The following LYG1 variants were observed in gnomAD, a reference collection of about 807,000 sequenced individuals.
LYG1 encodes the protein lysozyme g1, also known as lysozyme g-like protein 1.
LYG1 carries 17 observed loss-of-function variants against 21.7 expected under a neutral mutation model. The ratio of observed to expected loss-of-function variants is 0.78; its 90% CI spans 0.54 to 1.18. LYG1 has a LOEUF of 1.18. LYG1 is among the 50% of genes most tolerant of loss of function. The pLI, the probability that LYG1 is intolerant of heterozygous loss-of-function variation, is 0.00. For synonymous variants in LYG1, 81 were observed against 87.4 expected, an observed-to-expected ratio of 0.93 and a Z score of 0.41; for missense variants, 211 against 238.1, an observed-to-expected ratio of 0.89 and a Z score of 0.75.
intron 5 of LYG1, among the ~76,000 whole-genome samples, chr2:99,288,607 C>T (rs1434434532): frequency 3.9e-5 from 6 of 152,252 alleles, no homozygotes; most frequent in African/African-American, 1.4e-4. Context: ...CCCACTCTCT[C>T]GCCCAGACTG....
At chr2:99,300,001 C>A (rs551767099) in intron 1 of LYG1, among the ~76,000 whole-genome samples, 1 of 151,846 alleles carries the variant, frequency 6.6e-6, no homozygotes, top group Admixed American at 6.6e-5. Flanking sequence ...TTGCTATGCA[C>A]CAACAGGCCT....
In LYG1 at chr2:99,293,282, G is replaced by A. The variant is rs144871245; in HGVS notation, c.44-642C>T. On this transcript the variant is annotated intron_variant, in intron 3 of 6. Coordinates refer to ENST00000308528, the MANE Select transcript of LYG1 (RefSeq NM_174898.3). ...GCTGGGATCACAGGCGTGAGCCACC[G>A]CGCCCAGCCTCTTCTTTCATCTTAT... 3.0e-3 allele frequency among the ~76,000 whole-genome samples: 456 copies of A among 152,258 alleles called. 3 individuals are homozygous for A. Among genetic ancestry groups the A allele is most frequent in the African/African-American group, 0.01 (420 of 41,548 alleles).
intron 5 of LYG1, among the ~76,000 whole-genome samples, chr2:99,287,677 C>T (rs192304618): frequency 1.2e-3 from 185 of 151,800 alleles, no homozygotes; most frequent in Admixed American, 2.0e-3. Context: ...TGATTTGTTT[C>T]TTTAACCTAA....
intron 2 of LYG1, among the ~76,000 whole-genome samples, chr2:99,297,041 G>A (rs2094138834): frequency 3.9e-5 from 6 of 152,242 alleles, no homozygotes; most frequent in Admixed American, 3.3e-4. Context: ...GAAGTTATTC[G>A]ATTTCTGTCT....
intron 1 of LYG1, 67 bp from the exon 2 acceptor site, chr2:99,298,616 T>C (rs185043425): frequency 6.6e-6 from 1 of 152,362 alleles, no homozygotes; most frequent in Admixed American, 6.5e-5. Context: ...TTTCCATGAA[T>C]GCTCTCAATC....
At chr2:99,291,607 A>G (rs1342948379) in intron 4 of LYG1, among the ~76,000 whole-genome samples, 186 bp from the exon 5 acceptor site, 3 of 152,056 alleles carry the variant, frequency 2.0e-5, no homozygotes, top group African/African-American at 7.2e-5. Flanking sequence ...TCCTCCTGTG[A>G]GCTTGAGTCA....
intron 4 of LYG1, among the ~76,000 whole-genome samples, 173 bp from the exon 5 acceptor site, chr2:99,291,594 C>A (rs1057174491): frequency 6.6e-6 from 1 of 152,140 alleles, no homozygotes; most frequent in Non-Finnish European, 1.5e-5. Context: ...GAGGTTAGGG[C>A]TCTCCTCCTG....
Position 99,301,145 on chromosome 2 carries a change from T to G in LYG1, c.-219A>C, listed in dbSNP as rs1322472527. 4 of 151,372 alleles carry G rather than the reference T, an allele frequency of 2.6e-5. No homozygotes were observed. The highest frequency in any genetic ancestry group is 9.7e-5 in the African/African-American group (4 of 41,134). 9.4% of individuals were successfully genotyped at this position (151,372 alleles called of 1,614,324 possible). On this transcript the variant is annotated 5_prime_UTR_variant, in exon 1 of 7. Transcript: ENST00000308528. ...GTTAAAAGTGTTCATCTCATCCTATTTTGGAGAGATTTATGACATCTCATA... is the reference window on the plus strand; with the variant it reads ...GTTAAAAGTGTTCATCTCATCCTATGTTGGAGAGATTTATGACATCTCATA...
chr2:99,293,489 T>C (rs1031201922), intron 3 of LYG1, among the ~76,000 whole-genome samples: 5 of 152,180 alleles, frequency 3.3e-5, no homozygotes, highest in African/African-American at 1.2e-4. Flanking sequence ...TCAGGTACAC[T>C]TCTAGATAAG....
At chr2:99,302,026 G>A (rs1207565939), upstream of LYG1, among the ~76,000 whole-genome samples, 1 of 152,178 alleles carries the variant, frequency 6.6e-6, no homozygotes, top group Non-Finnish European at 1.5e-5. Context: ...CTGTGCCCCA[G>A]CTCAGCTGAA....
intron 1 of LYG1, among the ~76,000 whole-genome samples, chr2:99,299,290 T>C (rs1340897621): frequency 5.3e-5 from 8 of 150,278 alleles, no homozygotes; most frequent in Non-Finnish European, 8.9e-5. Context: ...TTTTCTTTTT[T>C]TTTTTTTTTT....
chr2:99,295,750 T>C, intron 2 of LYG1, 48 bp from the exon 3 acceptor site: 1 of 1,539,840 alleles, frequency 6.5e-7, no homozygotes, highest in Non-Finnish European at 9.0e-7. Flanking sequence ...TCAGTCATCA[T>C]CATAACCACA....
At chr2:99,297,558 A>G (rs2094140585) in intron 2 of LYG1, among the ~76,000 whole-genome samples, 1 of 152,212 alleles carries the variant, frequency 6.6e-6, no homozygotes, top group Admixed American at 6.5e-5. Flanking sequence ...TTGGAACTAA[A>G]TATCTGTGTT....
At chr2:99,296,043 T>C (rs1462445060) in intron 2 of LYG1, among the ~76,000 whole-genome samples, 1 of 151,776 alleles carries the variant, frequency 6.6e-6, no homozygotes, top group Non-Finnish European at 1.5e-5. Flanking sequence ...AAAAGCAAAT[T>C]TCTGATGCCC....
chr2:99,288,003 T>C lies in LYG1; in HGVS notation c.334-3183A>G, dbSNP rs988029835. ...GTGTTCTTATTACATGTGTTAATTG[T>C]TTTACTTATTTTTCTTCTATATCTT... On this transcript the variant is annotated intron_variant, in intron 5 of 6. Transcript: ENST00000308528. Among the ~76,000 whole-genome samples, 32 of 152,120 alleles carry C rather than the reference T, an allele frequency of 2.1e-4. 1 individual carries two copies. Among genetic ancestry groups the C allele is most frequent in the Admixed American group, 1.6e-3 (24 of 15,262 alleles).
chr2:99,299,353 A>G (rs1376132768), intron 1 of LYG1, among the ~76,000 whole-genome samples: 3 of 148,566 alleles, frequency 2.0e-5, no homozygotes, highest in Admixed American at 2.0e-4. Flanking sequence ...GTGGCCCAAA[A>G]TTGTGGAATC....
At chr2:99,289,377 G>A (rs189606308) in intron 5 of LYG1, among the ~76,000 whole-genome samples, 1 of 151,786 alleles carries the variant, frequency 6.6e-6, no homozygotes, top group African/African-American at 2.4e-5. Flanking sequence ...GATCGTGTGA[G>A]CCCAGGAGGC....
Position 99,284,239 on chromosome 2 carries a change from G to A in LYG1, c.*154C>T, listed in dbSNP as rs1052328182. Reference sequence around the variant, plus strand: ...CAGACATACACTACATATTATAAATGCAGGTCAAAATTCTTCCTTTAATGT... The same window carrying A: ...CAGACATACACTACATATTATAAATACAGGTCAAAATTCTTCCTTTAATGT... On this transcript the variant is annotated 3_prime_UTR_variant, in exon 7 of 7. Coordinates refer to ENST00000308528, the MANE Select transcript of LYG1 (RefSeq NM_174898.3). 1.2e-5 allele frequency: 8 copies of A among 656,674 alleles called. No homozygotes were observed. The highest frequency in any genetic ancestry group is 2.2e-5 in the Non-Finnish European group (8 of 371,414). The allele number at this position is 656,674 out of a possible 1,614,324, so 40.7% of individuals were successfully genotyped here. A position where few individuals can be genotyped will look rare whatever the true frequency, so the allele number is the denominator to read the frequency against.
intron 2 of LYG1, among the ~76,000 whole-genome samples, chr2:99,298,022 C>T (rs1574889594): frequency 6.6e-6 from 1 of 152,176 alleles, no homozygotes; most frequent in Non-Finnish European, 1.5e-5. Context: ...GCTTGGAATT[C>T]TTAAATGGAT....
Sources: gnomAD v4.1 joint callset for allele counts (sites outside exome capture counted in the v4.1 genomes callset) on GRCh38, gnomAD v4.1.1 for gene constraint, MANE v1.5 for transcripts, NCBI Gene and HGNC (gene_info 2026-07-23, HGNC 2026-07-21) for gene names.